Variants in ULK4 observed in about 807,000 individuals in gnomAD.
ULK4 encodes unc-51 like kinase 4.
In ULK4, 133 loss-of-function variants were observed where a neutral mutation model predicts 160.6. The observed-to-expected ratio is 0.83, with a 90% confidence interval of 0.72 to 0.96. The LOEUF (loss-of-function observed/expected upper bound fraction) is 0.96. Ranked by LOEUF, ULK4 falls within the 40% of genes least tolerant of loss-of-function variation. The probability of loss-of-function intolerance (pLI) is 0.00; values close to 1 mark genes in which losing one functional copy is unlikely to be tolerated. For missense variants in ULK4, 1,580 were observed against 1,499.5 expected (o/e 1.05, Z -0.89); for synonymous variants, 534 against 539.8 (o/e 0.99, Z 0.15).
In ULK4 at chr3:41,818,113, CAAA is replaced by C. The variant is rs35468475; in HGVS notation, c.1848+1307_1848+1309del. Among the ~76,000 whole-genome samples the C allele has an allele frequency of 5.2e-3, 519 of 99,166 alleles. 3 individuals are homozygous for C. The highest frequency in any genetic ancestry group is 9.2e-3 in the Non-Finnish European group (400 of 43,316). 65.1% of individuals were successfully genotyped at this position (99,166 alleles called of 152,430 possible). ...TATAGAAAACAGTAAGGAGTTTCCT[CAAA>C]AAAAAAAAAAAAAAACTAACTAAAA... On this transcript the variant is annotated intron_variant, in intron 19 of 36. Coordinates refer to ENST00000301831, the MANE Select transcript of ULK4 (RefSeq NM_017886.4).
intron 21 of ULK4, among the ~76,000 whole-genome samples, chr3:41,781,575 T>C (rs1180922425): frequency 6.6e-6 from 1 of 152,236 alleles, no homozygotes; most frequent in Non-Finnish European, 1.5e-5. Flanking sequence ...ATATGATGTA[T>C]AGATTTTGCT....
chr3:41,475,763 T>A (rs545700839), intron 32 of ULK4, among the ~76,000 whole-genome samples: 1 of 152,300 alleles, frequency 6.6e-6, no homozygotes, highest in South Asian at 2.1e-4. Flanking sequence ...GAAGTCAGAC[T>A]TCAAGCTACC....
intron 17 of ULK4, among the ~76,000 whole-genome samples, chr3:41,845,147 A>T (rs1420085016): frequency 6.6e-6 from 1 of 152,004 alleles, no homozygotes; most frequent in Non-Finnish European, 1.5e-5. Context: ...TTGTATTTTT[A>T]GTAGAGATGG....
At chr3:41,623,922 C>T (rs1314817766) in intron 30 of ULK4, among the ~76,000 whole-genome samples, 2 of 152,176 alleles carry the variant, frequency 1.3e-5, no homozygotes, top group African/African-American at 2.4e-5. Context: ...CATAACATTA[C>T]ACTCTATGCC....
At chr3:41,899,133 G>C (rs1575911382) in intron 13 of ULK4, 2 of 152,196 alleles carry the variant, frequency 1.3e-5, no homozygotes. Flanking sequence ...ACCACTCCAG[G>C]AAGCCATAAT....
intron 34 of ULK4, among the ~76,000 whole-genome samples, chr3:41,415,639 G>C (rs1209384469): frequency 6.6e-6 from 1 of 152,130 alleles, no homozygotes; most frequent in Non-Finnish European, 1.5e-5. Context: ...CCTCCTAAGA[G>C]AGTTCTTCCC....
At chr3:41,363,932 CTTTT>C (rs113229684) in intron 35 of ULK4, among the ~76,000 whole-genome samples, 1 of 147,646 alleles carries the variant, frequency 6.8e-6, no homozygotes, top group East Asian at 2.0e-4. Flanking sequence ...AATTCTCTCT[CTTTT>C]TTTTTTTCTG....
chr3:41,564,300 C>G (rs2087707891), intron 32 of ULK4, among the ~76,000 whole-genome samples: 1 of 152,026 alleles, frequency 6.6e-6, no homozygotes, highest in African/African-American at 2.4e-5. Context: ...CTGTCGGCCC[C>G]TTCTGGGAGG....
intron 11 of ULK4, among the ~76,000 whole-genome samples, chr3:41,908,591 G>T (rs1159178403): frequency 2.0e-5 from 3 of 151,854 alleles, no homozygotes; most frequent in Non-Finnish European, 4.4e-5. Context: ...GATTACAAGT[G>T]CCCGCCACTG....
chr3:41,672,104 A>G (rs898483584), intron 29 of ULK4, among the ~76,000 whole-genome samples: 2 of 152,180 alleles, frequency 1.3e-5, no homozygotes, highest in African/African-American at 4.8e-5. Context: ...AGAAAAGGGA[A>G]TTCTTACGCA....
At chr3:41,526,890 A>ATT (rs138113029) in intron 32 of ULK4, among the ~76,000 whole-genome samples, 1 of 151,402 alleles carries the variant, frequency 6.6e-6, no homozygotes, top group African/African-American at 2.4e-5. Flanking sequence ...TAAAAGTGAC[A>ATT]TTTTTTTTTC....
intron 2 of ULK4, among the ~76,000 whole-genome samples, chr3:41,942,773 G>C (rs773282717): frequency 3.3e-5 from 5 of 152,148 alleles, no homozygotes; most frequent in Non-Finnish European, 7.3e-5. Flanking sequence ...CCAAGATGGT[G>C]CCATTGCACT....
intron 21 of ULK4, among the ~76,000 whole-genome samples, chr3:41,763,496 CA>C (rs1401405976): frequency 6.6e-6 from 1 of 152,108 alleles, no homozygotes; most frequent in Non-Finnish European, 1.5e-5. Context: ...TGCTGGCTTC[CA>C]TATAATGGAG....
chr3:41,838,359 T>C (rs755664404), intron 17 of ULK4, among the ~76,000 whole-genome samples: 1 of 152,096 alleles, frequency 6.6e-6, no homozygotes, highest in Non-Finnish European at 1.5e-5. Context: ...TATATAAAAA[T>C]GAGAGAGGGT....
In ULK4 at chr3:41,325,856, T is replaced by C. The variant is rs952035290; in HGVS notation, c.3678+72223A>G. 4.0e-5 allele frequency among the ~76,000 whole-genome samples: 6 copies of C among 151,784 alleles called. No homozygotes were observed. The East Asian group carries it at 9.7e-4, about 25-fold the overall frequency. On this transcript the variant is annotated intron_variant, in intron 35 of 36. Coordinates refer to ENST00000301831, the MANE Select transcript of ULK4 (RefSeq NM_017886.4). The stretch of plus-strand genomic sequence containing the variant: ...ATTGCTAGAACCAGGGAGGTGGAGG[T>C]TGCAGTGAGCCGAGACTGCACCACT...
chr3:41,639,009 TAAAAC>T (rs1272148463), intron 30 of ULK4, among the ~76,000 whole-genome samples: 2 of 152,190 alleles, frequency 1.3e-5, no homozygotes, highest in African/African-American at 2.4e-5. Flanking sequence ...GCGTAAATAT[TAAAAC>T]AGAACCATGA....
intron 29 of ULK4, among the ~76,000 whole-genome samples, chr3:41,670,218 A>G (rs2035492654): frequency 6.6e-6 from 1 of 152,192 alleles, no homozygotes; most frequent in Non-Finnish European, 1.5e-5. Flanking sequence ...ACACTGAGGT[A>G]AAATCTAACT....
intron 32 of ULK4, among the ~76,000 whole-genome samples, chr3:41,533,893 C>T (rs1022389536): frequency 1.1e-4 from 17 of 152,256 alleles, no homozygotes; most frequent in East Asian, 3.9e-4. Context: ...CTGCAAGCTC[C>T]GCCTCCTGGG....
chr3:41,310,812 G>A (rs2125719824), intron 35 of ULK4, among the ~76,000 whole-genome samples: 1 of 152,192 alleles, frequency 6.6e-6, no homozygotes, highest in Non-Finnish European at 1.5e-5. Flanking sequence ...GGGCGACGTG[G>A]CAAAACTCTG....
Sources: gnomAD v4.1 joint callset for allele counts (sites outside exome capture counted in the v4.1 genomes callset) on GRCh38, gnomAD v4.1.1 for gene constraint, MANE v1.5 for transcripts, NCBI Gene and HGNC (gene_info 2026-07-23, HGNC 2026-07-21) for gene names.